The following RARB variants were observed in gnomAD, a reference collection of about 807,000 sequenced individuals.
The protein encoded by RARB is HBV-activated protein.
RARB carries 17 observed loss-of-function variants against 51.9 expected under a neutral mutation model. The observed-to-expected ratio is 0.33, with a 90% CI of 0.22 to 0.49. RARB has a LOEUF of 0.49. RARB is among the 20% of genes least tolerant of loss of function. The probability of loss-of-function intolerance (pLI) is 0.99; values close to 1 mark genes in which losing one functional copy is unlikely to be tolerated. For missense variants in RARB, 369 were observed against 550.8 expected, an observed-to-expected ratio of 0.67 and a Z score of 3.30; for synonymous variants, 215 against 195.4, an observed-to-expected ratio of 1.10 and a Z score of -0.84.
At chr3:25,317,020 T>G (rs61678814) in intron 5 of RARB, among the ~76,000 whole-genome samples, 82,239 of 151,800 alleles carry the variant, frequency 0.54, 22,946 homozygotes, top group East Asian at 0.88. Flanking sequence ...AATTTACAAT[T>G]CTATAAATGT....
At chr3:25,135,365 C>A (rs1322786465) in intron 4 of RARB, among the ~76,000 whole-genome samples, 2 of 151,936 alleles carry the variant, frequency 1.3e-5, no homozygotes, top group African/African-American at 4.8e-5. Flanking sequence ...CTTCATATTA[C>A]TTCTATTTCC....
chr3:25,042,971 A>G lies in RARB; in HGVS notation c.-379-17154A>G, dbSNP rs1698143700. Among the ~76,000 whole-genome samples the G allele has an allele frequency of 3.3e-5, 5 of 152,328 alleles. No homozygotes were observed. The South Asian group carries it at 1.0e-3, about 32-fold the overall frequency. ...ACAAAGCTTCAGATATCCTTCATCC[A>G]GTACTTGTCTTCACAGACGAAAATG... On this transcript the variant is annotated intron_variant, in intron 2 of 11. Transcript: ENST00000383772.
intron 2 of RARB, among the ~76,000 whole-genome samples, chr3:25,483,910 A>C (rs1333070286): frequency 6.6e-6 from 1 of 152,210 alleles, no homozygotes; most frequent in Non-Finnish European, 1.5e-5. Context: ...CATATTGGGC[A>C]CTCACAAATA....
chr3:25,361,522 T>G (rs1035379910), intron 5 of RARB, among the ~76,000 whole-genome samples: 1 of 152,208 alleles, frequency 6.6e-6, no homozygotes, highest in African/African-American at 2.4e-5. Context: ...TTTTTTCCCT[T>G]GCTGCCAAGG....
At chr3:25,208,838 A>G (rs374124344) in intron 5 of RARB, among the ~76,000 whole-genome samples, 5 of 152,178 alleles carry the variant, frequency 3.3e-5, no homozygotes, top group Non-Finnish European at 7.4e-5. Context: ...CTCAGGGCCC[A>G]TCATACTCCT....
At chr3:25,293,222 C>G (rs1490201076) in intron 5 of RARB, among the ~76,000 whole-genome samples, 1 of 152,100 alleles carries the variant, frequency 6.6e-6, no homozygotes, top group Non-Finnish European at 1.5e-5. Flanking sequence ...TGGGCAAAGG[C>G]TCTGAATTTT....
At chr3:25,241,317 C>G (rs78760206) in intron 5 of RARB, among the ~76,000 whole-genome samples, 3,984 of 152,064 alleles carry the variant, frequency 0.026, 92 homozygotes, top group South Asian at 0.13. Context: ...TGTTTTATGT[C>G]TTTTTTTAAA....
intron 2 of RARB, among the ~76,000 whole-genome samples, chr3:25,469,065 C>T (rs576700808): frequency 3.0e-4 from 45 of 152,340 alleles, no homozygotes; most frequent in African/African-American, 1.0e-3. Context: ...CTAGCCCCCT[C>T]AGTCCCTCAG....
Position 25,105,594 on chromosome 3 carries a change from A to C in RARB, c.-327-26567A>C, listed in dbSNP as rs77594483. ...AGGTGTCAGTGCATTTGGAGGGAGG[A>C]ATTGGAAGAATATGATTACCAAATT... On this transcript the variant is annotated intron_variant, in intron 3 of 11. Coordinates refer to the RARB transcript ENST00000383772. 3.3e-5 allele frequency among the ~76,000 whole-genome samples: 5 copies of C among 152,130 alleles called. No homozygotes were observed. In the East Asian group the frequency reaches 9.7e-4, roughly 30 times the overall value.
At chr3:24,913,153 T>G (rs547927022) in intron 2 of RARB, among the ~76,000 whole-genome samples, 1 of 151,380 alleles carries the variant, frequency 6.6e-6, no homozygotes, top group Non-Finnish European at 1.5e-5. Context: ...GCTAATTTTG[T>G]TTTTGTATTT....
intron 5 of RARB, among the ~76,000 whole-genome samples, chr3:25,220,706 C>G (rs1701928610): frequency 6.6e-6 from 1 of 152,288 alleles, no homozygotes; most frequent in Non-Finnish European, 1.5e-5. Flanking sequence ...TGTAAGTTTC[C>G]TGAGGCCTCC....
chr3:25,509,224 G>C (rs1697763926), intron 3 of RARB, among the ~76,000 whole-genome samples: 1 of 152,182 alleles, frequency 6.6e-6, no homozygotes. Context: ...CACGTGAAAT[G>C]AACTAACCCA....
At chr3:25,527,713 A>G (rs1187534056) in intron 3 of RARB, among the ~76,000 whole-genome samples, 1 of 152,208 alleles carries the variant, frequency 6.6e-6, no homozygotes, top group Non-Finnish European at 1.5e-5. Flanking sequence ...TCGAGGGTAG[A>G]TAGATGCTCT....
intron 5 of RARB, among the ~76,000 whole-genome samples, chr3:25,261,299 C>G (rs901651963): frequency 6.6e-6 from 1 of 151,946 alleles, no homozygotes; most frequent in Non-Finnish European, 1.5e-5. Flanking sequence ...CCTATTTATC[C>G]TTCCCTTCTT....
chr3:25,556,900 A>G (rs1700083517), intron 3 of RARB, among the ~76,000 whole-genome samples: 1 of 152,246 alleles, frequency 6.6e-6, no homozygotes, highest in South Asian at 2.1e-4. Flanking sequence ...TTGAATTTCC[A>G]TAATGGATTG....
chr3:25,012,362 G>T (rs574713624), intron 2 of RARB, among the ~76,000 whole-genome samples: 2 of 152,062 alleles, frequency 1.3e-5, no homozygotes, highest in Admixed American at 1.3e-4. Context: ...TGTTTAGAAC[G>T]CTATCCCCAG....
chr3:25,582,068 A>T (rs1701199171), intron 5 of RARB, among the ~76,000 whole-genome samples: 2 of 152,156 alleles, frequency 1.3e-5, no homozygotes, highest in Admixed American at 1.3e-4. Context: ...GTAAAAGAGG[A>T]TATGAAGCAT....
chr3:25,204,674 G>T (rs1701488161), intron 5 of RARB, among the ~76,000 whole-genome samples: 1 of 152,182 alleles, frequency 6.6e-6, no homozygotes, highest in Non-Finnish European at 1.5e-5. Flanking sequence ...GTCTGTTGGA[G>T]TTTGCTGGAG....
intron 5 of RARB, among the ~76,000 whole-genome samples, chr3:25,279,127 C>T (rs528765022): frequency 2.0e-5 from 3 of 152,226 alleles, no homozygotes; most frequent in East Asian, 1.9e-4. Flanking sequence ...CTCAGAAGCC[C>T]CAGAAACGGT....
Sources: gnomAD v4.1 joint callset for allele counts (sites outside exome capture counted in the v4.1 genomes callset) on GRCh38, gnomAD v4.1.1 for gene constraint, MANE v1.5 for transcripts, NCBI Gene and HGNC (gene_info 2026-07-23, HGNC 2026-07-21) for gene names.